The following CLPB variants were observed in gnomAD, a reference collection of about 807,000 sequenced individuals.
CLPB encodes the protein ClpB family mitochondrial disaggregase.
CLPB carries 40 observed loss-of-function variants against 78.4 expected under a neutral mutation model. The observed-to-expected ratio is 0.51, with a 90% CI of 0.40 to 0.66. The LOEUF (loss-of-function observed/expected upper bound fraction) is 0.66, where lower values mean the gene tolerates loss of function less well. Among genes scored for constraint, CLPB ranks in the 30% least tolerant of loss-of-function variants. The probability of loss-of-function intolerance (pLI) is 0.00; values close to 1 mark genes in which losing one functional copy is unlikely to be tolerated. For missense variants in CLPB, 780 were observed against 886.9 expected (o/e 0.88, Z 1.53); for synonymous variants, 333 against 348.0 (o/e 0.96, Z 0.48).
At chr11:72,415,582 T>C (rs774125052) in intron 2 of CLPB, among the ~76,000 whole-genome samples, 3 of 152,218 alleles carry the variant, frequency 2.0e-5, no homozygotes, top group Non-Finnish European at 4.4e-5. Flanking sequence ...TTTCACATAG[T>C]ACATATTCAC....
chr11:72,420,732 T>C (rs982003012), intron 2 of CLPB, among the ~76,000 whole-genome samples: 2 of 152,180 alleles, frequency 1.3e-5, no homozygotes, highest in African/African-American at 4.8e-5. Context: ...AAGAAACTAT[T>C]TCAGGCAGAT....
intron 7 of CLPB, among the ~76,000 whole-genome samples, chr11:72,315,226 G>T (rs555967028): frequency 1.3e-5 from 2 of 152,296 alleles, no homozygotes; most frequent in East Asian, 3.9e-4. Flanking sequence ...CAGAACACAG[G>T]AGATGAGCAG....
intron 5 of CLPB, among the ~76,000 whole-genome samples, chr11:72,342,011 G>T (rs1054424756): frequency 2.0e-5 from 3 of 152,196 alleles, no homozygotes; most frequent in Non-Finnish European, 4.4e-5. Context: ...ATGGGCTTAA[G>T]ATGAAATTCT....
At chr11:72,357,588 C>A (rs958716111) in intron 5 of CLPB, among the ~76,000 whole-genome samples, 5 of 148,102 alleles carry the variant, frequency 3.4e-5, no homozygotes, top group African/African-American at 1.2e-4. Context: ...CCCAGCTACT[C>A]GGGAGGCTGA....
At chr11:72,315,084 G>A (rs981590738) in intron 7 of CLPB, among the ~76,000 whole-genome samples, 5 of 152,096 alleles carry the variant, frequency 3.3e-5, no homozygotes, top group Non-Finnish European at 7.3e-5. Flanking sequence ...TTAGGGCAGT[G>A]GTATTAGGAA....
chr11:72,413,071 C>A (rs533391044), intron 2 of CLPB, among the ~76,000 whole-genome samples: 86 of 152,036 alleles, frequency 5.7e-4, no homozygotes, highest in Non-Finnish European at 8.4e-4. Context: ...GGCGAGTCAC[C>A]TGAGGTCGGG....
intron 5 of CLPB, among the ~76,000 whole-genome samples, chr11:72,350,244 G>A (rs1375746660): frequency 6.7e-6 from 1 of 149,194 alleles, no homozygotes; most frequent in Non-Finnish European, 1.5e-5. Context: ...CAATACCACA[G>A]AACTCCTCCA....
At chr11:72,398,374 C>T (rs896765994) in intron 3 of CLPB, among the ~76,000 whole-genome samples, 12 of 152,114 alleles carry the variant, frequency 7.9e-5, no homozygotes, top group Admixed American at 6.5e-5. Context: ...TGCATGGGTT[C>T]GAATCAAGTC....
At chr11:72,380,410 T>C in intron 3 of CLPB, 26 bp from the exon 4 acceptor site, 2 of 1,597,578 alleles carry the variant, frequency 1.3e-6, no homozygotes, top group Non-Finnish European at 1.7e-6. Flanking sequence ...AAGACAGAAG[T>C]GTCAAAAGCA....
At chr11:72,293,661 G>A (rs1949493386) in intron 15 of CLPB, 46 bp from the exon 16 acceptor site, 1 of 1,575,882 alleles carries the variant, frequency 6.3e-7, no homozygotes, top group Non-Finnish European at 8.6e-7. Flanking sequence ...CCTGGACCCA[G>A]CTTGGAGGTC....
intron 6 of CLPB, among the ~76,000 whole-genome samples, chr11:72,323,294 C>CACTTGTTAAAATGTCAAGGTCG (rs1269957850): frequency 6.6e-6 from 1 of 152,076 alleles, no homozygotes; most frequent in African/African-American, 2.4e-5. Flanking sequence ...GTCGGCTGGG[C>CACTTGTTAAAATGTCAAGGTCG]GTGGTGGCTC....
At chr11:72,405,697 G>C (rs918153716) in intron 2 of CLPB, among the ~76,000 whole-genome samples, 1 of 152,168 alleles carries the variant, frequency 6.6e-6, no homozygotes, top group South Asian at 2.1e-4. Context: ...AGGAGGCCAA[G>C]GCAGGTGGAT....
chr11:72,369,763 C>CTG (rs1408681901), intron 4 of CLPB, among the ~76,000 whole-genome samples: 1 of 152,068 alleles, frequency 6.6e-6, no homozygotes, highest in Admixed American at 6.5e-5. Flanking sequence ...TTTATATAGT[C>CTG]TGTGTGTGTG....
intron 3 of CLPB, among the ~76,000 whole-genome samples, chr11:72,390,580 C>T (rs1454741811): frequency 1.3e-5 from 2 of 151,966 alleles, no homozygotes; most frequent in African/African-American, 4.8e-5. Flanking sequence ...AGAAAATCTT[C>T]AAGTTCATTT....
At chr11:72,303,561 T>C (rs2135504267) in intron 9 of CLPB, among the ~76,000 whole-genome samples, 1 of 152,296 alleles carries the variant, frequency 6.6e-6, no homozygotes, top group South Asian at 2.1e-4. Context: ...TACAGAAGGC[T>C]CTTGGCTCCT....
intron 5 of CLPB, among the ~76,000 whole-genome samples, chr11:72,342,508 C>T (rs1037328822): frequency 1.4e-4 from 21 of 152,110 alleles, no homozygotes; most frequent in Non-Finnish European, 4.4e-5. Context: ...TCCTGGAAGT[C>T]GTGGGCTTTC....
chr11:72,321,135 C>A (rs554838433), intron 6 of CLPB, among the ~76,000 whole-genome samples: 2 of 152,132 alleles, frequency 1.3e-5, no homozygotes, highest in South Asian at 4.2e-4. Context: ...ATGGGAGGAG[C>A]TTGGTAAGGG....
intron 3 of CLPB, among the ~76,000 whole-genome samples, chr11:72,401,587 G>A (rs12364845): frequency 1.1e-3 from 171 of 152,362 alleles, no homozygotes; most frequent in Non-Finnish European, 2.1e-3. Flanking sequence ...GTACAGCTAA[G>A]TCTCTCAGTC....
chr11:72,295,607 C>T lies in CLPB; in HGVS notation c.1371G>A (p.Lys457=), dbSNP rs763083462. The change falls in exon 12 of 16, where the codon AAG becomes AAA. Residue 457 remains lysine, a synonymous_variant. Coordinates refer to ENST00000538039, the MANE Select transcript of CLPB (RefSeq NM_001258392.3). The part of the protein sequence containing the change: ...TDGKGKTIDC[K]DAIFIMTSNV... ...TGGAGGTCATGATGAAGATGGCGTC[C>T]TTGCAATCAATGGTCTTCCCTTTTC... 1 of 1,614,114 alleles carries T rather than the reference C, an allele frequency of 6.2e-7. No homozygotes were observed. Among genetic ancestry groups the T allele is most frequent in the Non-Finnish European group, 8.5e-7 (1 of 1,180,000 alleles).
Sources: gnomAD v4.1 joint callset for allele counts (sites outside exome capture counted in the v4.1 genomes callset) on GRCh38, gnomAD v4.1.1 for gene constraint, MANE v1.5 for transcripts, NCBI Gene and HGNC (gene_info 2026-07-23, HGNC 2026-07-21) for gene names.